NOS1AP: variants seen among roughly 807,000 people sequenced by gnomAD.
The protein encoded by NOS1AP is nitric oxide synthase 1 adaptor protein.
A neutral mutation model predicts 56.2 loss-of-function variants in NOS1AP; 21 were observed. That is an observed-to-expected ratio of 0.37 (90% CI 0.26 to 0.54). The LOEUF (loss-of-function observed/expected upper bound fraction) is 0.54, where lower values mean the gene tolerates loss of function less well. Ranked by LOEUF, NOS1AP falls within the 20% of genes least tolerant of loss-of-function variation. The probability of loss-of-function intolerance (pLI) is 0.84; values close to 1 mark genes in which losing one functional copy is unlikely to be tolerated. For synonymous variants in NOS1AP, 270 were observed against 274.6 expected, an observed-to-expected ratio of 0.98 and a Z score of 0.17; for missense variants, 522 against 657.8, an observed-to-expected ratio of 0.79 and a Z score of 2.26.
intron 1 of NOS1AP, among the ~76,000 whole-genome samples, chr1:162,130,419 G>A (rs966264212): frequency 6.6e-6 from 1 of 152,192 alleles, no homozygotes; most frequent in African/African-American, 2.4e-5. Flanking sequence ...ATACTTACTG[G>A]TTACCCTTCA....
At chr1:162,292,787 A>G (rs923660400) in intron 3 of NOS1AP, among the ~76,000 whole-genome samples, 1 of 152,336 alleles carries the variant, frequency 6.6e-6, no homozygotes, top group Middle Eastern at 3.4e-3. Flanking sequence ...GCTGGTTACT[A>G]TGGAAACACA....
chr1:162,277,426 C>T (rs1654777776), intron 2 of NOS1AP, among the ~76,000 whole-genome samples: 1 of 152,146 alleles, frequency 6.6e-6, no homozygotes, highest in Non-Finnish European at 1.5e-5. Context: ...TTTCATTATA[C>T]CACGAATATT....
chr1:162,161,961 A>G (rs541539850), intron 2 of NOS1AP, among the ~76,000 whole-genome samples: 257 of 152,350 alleles, frequency 1.7e-3, no homozygotes, highest in Admixed American at 3.3e-3. Context: ...CAGTCAGTAC[A>G]TCAGTGTTTC....
At chr1:162,274,886 C>T (rs1425195634) in intron 2 of NOS1AP, among the ~76,000 whole-genome samples, 1 of 152,148 alleles carries the variant, frequency 6.6e-6, no homozygotes, top group Non-Finnish European at 1.5e-5. Context: ...CCATTTGAGT[C>T]ATTTGCCCAT....
intron 2 of NOS1AP, 67 bp from the exon 3 acceptor site, chr1:162,287,277 C>T (rs1655119355): frequency 8.6e-7 from 1 of 1,158,056 alleles, no homozygotes; most frequent in Admixed American, 1.7e-5. Flanking sequence ...CATGGGCTAG[C>T]TGGGTCTGTA....
chr1:162,304,389 C>G (rs930460806), intron 4 of NOS1AP, among the ~76,000 whole-genome samples: 1 of 152,190 alleles, frequency 6.6e-6, no homozygotes, highest in African/African-American at 2.4e-5. Flanking sequence ...ACACTAGTAC[C>G]ACACTGTCTT....
intron 1 of NOS1AP, among the ~76,000 whole-genome samples, chr1:162,152,959 T>G (rs1303648586): frequency 6.6e-6 from 1 of 152,112 alleles, no homozygotes; most frequent in Non-Finnish European, 1.5e-5. Flanking sequence ...TTGGGCTGTT[T>G]TATGTAATTT....
chr1:162,185,772 TATA>T (rs142805099), intron 2 of NOS1AP, among the ~76,000 whole-genome samples: 5,349 of 152,348 alleles, frequency 0.035, 135 homozygotes, highest in Non-Finnish European at 0.049. Context: ...GGAATGTTAT[TATA>T]ATATTTGGAA....
rs192912161 is a variant in NOS1AP, at chr1:162,087,284, T to C, written c.105+17002T>C. Among the ~76,000 whole-genome samples the C allele has an allele frequency of 8.5e-5, 13 of 152,282 alleles. No individual in the cohort carries two copies. In the East Asian group the frequency reaches 2.5e-3, roughly 29 times the overall value. ...GCTTTAAGTTGTTTTCTGTTAAAAA[T>C]ATGTCTGAAGCATACACTTGAGGCT... On this transcript the variant is annotated intron_variant, in intron 1 of 9. Transcript: ENST00000361897.
At chr1:162,277,000 T>C (rs1654754430) in intron 2 of NOS1AP, among the ~76,000 whole-genome samples, 1 of 152,212 alleles carries the variant, frequency 6.6e-6, no homozygotes, top group South Asian at 2.1e-4. Flanking sequence ...CAAATACCTT[T>C]TGGACTTACA....
chr1:162,070,764 T>C (rs971171896), intron 1 of NOS1AP, among the ~76,000 whole-genome samples: 15 of 152,026 alleles, frequency 9.9e-5, no homozygotes, highest in Non-Finnish European at 2.1e-4. Flanking sequence ...TTTTTTAAAC[T>C]CCAGGTAACC....
At chr1:162,301,798 G>A (rs142044498) in intron 4 of NOS1AP, among the ~76,000 whole-genome samples, 17 of 152,266 alleles carry the variant, frequency 1.1e-4, no homozygotes, top group Non-Finnish European at 1.6e-4. Context: ...GATTTTGTCC[G>A]CTCTCAAATT....
At chr1:162,323,814 G>T (rs141789490) in intron 4 of NOS1AP, among the ~76,000 whole-genome samples, 2 of 152,300 alleles carry the variant, frequency 1.3e-5, no homozygotes, top group African/African-American at 4.8e-5. Flanking sequence ...CTGCAACCTC[G>T]ACTGAGCCTT....
rs759735859 is a variant in NOS1AP at position 162,357,159 on chromosome 1, C to G, written c.939+23C>G. ...CAGGTTCTCCTCAGCCTCCTCCCTA[C>G]TTCGCAGGCTCCACTCTCATGGGCT... On this transcript the variant is annotated intron_variant, in intron 8 of 9. Transcript: ENST00000361897. 15 of 1,598,926 alleles carry G rather than the reference C, an allele frequency of 9.4e-6. 1 individual carries two copies. In the South Asian group the frequency reaches 1.7e-4, roughly 18 times the overall value.
intron 1 of NOS1AP, among the ~76,000 whole-genome samples, chr1:162,133,155 TA>T (rs1648828805): frequency 6.6e-6 from 1 of 152,254 alleles, no homozygotes; most frequent in South Asian, 2.1e-4. Context: ...GTGTGCTTAT[TA>T]TATTAGTACG....
At chr1:162,348,072 C>G (rs1657360200) in intron 6 of NOS1AP, among the ~76,000 whole-genome samples, 1 of 152,196 alleles carries the variant, frequency 6.6e-6, no homozygotes, top group Non-Finnish European at 1.5e-5. Context: ...GCATAGCGTC[C>G]TCTGTCTTTA....
chr1:162,142,444 G>T (rs1437023511), intron 1 of NOS1AP, among the ~76,000 whole-genome samples: 3 of 152,006 alleles, frequency 2.0e-5, no homozygotes, highest in Non-Finnish European at 4.4e-5. Context: ...ATCATGAAAG[G>T]GTATGAAAGG....
rs191338754 is a variant in NOS1AP, at chr1:162,201,765, T to C, written c.177+47289T>C. Reference sequence around the variant, plus strand: ...TATGTGTTCTTTTGAAAAGTGTCTGTTCATGTCCTTTGCCCACTTTTTAAT... The same window carrying C: ...TATGTGTTCTTTTGAAAAGTGTCTGCTCATGTCCTTTGCCCACTTTTTAAT... On this transcript the variant is annotated intron_variant, in intron 2 of 9. Transcript: ENST00000361897. Among the ~76,000 whole-genome samples, 366 of 152,366 alleles carry C rather than the reference T, an allele frequency of 2.4e-3. 4 individuals carry two copies. Among genetic ancestry groups the C allele is most frequent in the African/African-American group, 8.3e-3 (345 of 41,584 alleles).
chr1:162,261,412 C>T (rs11588227), intron 2 of NOS1AP, among the ~76,000 whole-genome samples: 43,559 of 51,410 alleles, frequency 0.85, 19,521 homozygotes, highest in East Asian at 0.98. Flanking sequence ...CCTGCATTAT[C>T]CAGGTGGGCT....
Sources: gnomAD v4.1 joint callset for allele counts (sites outside exome capture counted in the v4.1 genomes callset) on GRCh38, gnomAD v4.1.1 for gene constraint, MANE v1.5 for transcripts, NCBI Gene and HGNC (gene_info 2026-07-23, HGNC 2026-07-21) for gene names.